SLC29A2: variants seen among roughly 807,000 people sequenced by gnomAD.
SLC29A2 encodes the protein solute carrier family 29 member 2.
A neutral mutation model predicts 48.8 loss-of-function variants in SLC29A2; 37 were observed. That is an observed-to-expected ratio of 0.76 (90% CI 0.58 to 1.00). The LOEUF is 1.00. Ranked by LOEUF, SLC29A2 falls within the 50% of genes least tolerant of loss-of-function variation. SLC29A2 has a pLI of 0.00. For synonymous variants in SLC29A2, 233 were observed against 261.7 expected (o/e 0.89, Z 1.06); for missense variants, 533 against 578.6 (o/e 0.92, Z 0.81).
rs1855669120 is a variant in SLC29A2, at chr11:66,366,037, C to T, written c.974-16G>A. 3.7e-6 allele frequency: 6 copies of T among 1,613,404 alleles called. No individual in the cohort carries two copies. Among genetic ancestry groups the T allele is most frequent in the Non-Finnish European group, 5.1e-6 (6 of 1,179,446 alleles). ...AAGAACTGACCTGGGAGGGAAACGGCTGCAGCTCATACTGGTCTCCAACTC... is the reference window on the plus strand; with the variant it reads ...AAGAACTGACCTGGGAGGGAAACGGTTGCAGCTCATACTGGTCTCCAACTC... On this transcript the variant is annotated splice_polypyrimidine_tract_variant and intron_variant, in intron 9 of 11. Coordinates refer to ENST00000357440, the MANE Select transcript of SLC29A2 (RefSeq NM_001532.3).
At chr11:66,363,720 G>A in intron 11 of SLC29A2, 173 bp from the exon 12 acceptor site, 1 of 653,160 alleles carries the variant, frequency 1.5e-6, no homozygotes, top group Non-Finnish European at 2.8e-6. Context: ...TGCTGGATAA[G>A]GATGTCTCTC....
chr11:66,367,685 C>T (rs1441435720), intron 6 of SLC29A2, 87 bp downstream of exon 6: 282 of 1,483,722 alleles, frequency 1.9e-4, no homozygotes, highest in Non-Finnish European at 2.5e-4. Flanking sequence ...GTCTCCTCCA[C>T]CTCCCCTGGC....
intron 4 of SLC29A2, 144 bp from the exon 5 acceptor site, chr11:66,368,815 C>T: frequency 8.4e-7 from 1 of 1,189,492 alleles, no homozygotes; most frequent in South Asian, 1.3e-5. Context: ...CACTCGGGGG[C>T]AACACCCGCT....
chr11:66,367,293 A>G (rs936888436), intron 7 of SLC29A2, among the ~76,000 whole-genome samples, 171 bp downstream of exon 7: 1 of 152,198 alleles, frequency 6.6e-6, no homozygotes, highest in Non-Finnish European at 1.5e-5. Flanking sequence ...CTGAGGCCCA[A>G]ACAACAGCAG....
In SLC29A2 at chr11:66,363,233, G is replaced by A. The variant is rs567515154; in HGVS notation, c.*203C>T. The A allele has an allele frequency of 2.5e-4, 154 of 627,362 alleles. No individual in the cohort carries two copies. The highest frequency in any genetic ancestry group is 4.2e-4 in the Non-Finnish European group (145 of 342,488). The allele number at this position is 627,362 out of a possible 1,614,324, so 38.9% of individuals were successfully genotyped here. On this transcript the variant is annotated 3_prime_UTR_variant, in exon 12 of 12. Transcript: ENST00000357440. Reference sequence around the variant, plus strand: ...GCGAGTCACCCCCATTCCTGGGTGAGGGTTAGAATGACCGGTGGTGATTTC... The same window carrying A: ...GCGAGTCACCCCCATTCCTGGGTGAAGGTTAGAATGACCGGTGGTGATTTC...
rs551508946 is a variant in SLC29A2 at position 66,363,156 on chromosome 11, C to T, written c.*280G>A. On this transcript the variant is annotated 3_prime_UTR_variant, in exon 12 of 12. Transcript: ENST00000357440. ...TGCAGACCTGGTGGTGGGGAGCAGC[C>T]GTGCCCTGCACCCTCTTTTCCCTAG... is the stretch of plus-strand genomic sequence containing the variant. 2.7e-4 allele frequency: 123 copies of T among 447,592 alleles called. No individual in the cohort carries two copies. The highest frequency in any genetic ancestry group is 2.3e-3 in the African/African-American group (115 of 50,160). The allele number at this position is 447,592 out of a possible 1,614,324, so 27.7% of individuals were successfully genotyped here. A position where few individuals can be genotyped will look rare whatever the true frequency, so the allele number is the denominator to read the frequency against.
rs1590659318 is a variant in SLC29A2, at chr11:66,368,673, T to C, written c.416-2A>G. The C allele has an allele frequency of 1.3e-6, 2 of 1,595,284 alleles. No individual in the cohort carries two copies. Among genetic ancestry groups the C allele is most frequent in the Non-Finnish European group, 1.7e-6 (2 of 1,171,086 alleles). On this transcript the variant is annotated splice_acceptor_variant, in intron 4 of 11. Transcript: ENST00000357440. LOFTEE classifies it high-confidence loss of function. ...TGCCCTGTAGGACTGCACTGAAGGC[T>C]GTGGAGGACAGGGATGGGGGCTGCT...
chr11:66,364,154 G>C, intron 11 of SLC29A2, 71 bp downstream of exon 11: 1 of 1,276,682 alleles, frequency 7.8e-7, no homozygotes, highest in Non-Finnish European at 1.1e-6. Context: ...CTCCATTGCA[G>C]GCGGTCCCTT....
At chr11:66,365,903 A>C in intron 10 of SLC29A2, 33 bp downstream of exon 10, 1 of 1,600,244 alleles carries the variant, frequency 6.2e-7, no homozygotes, top group Non-Finnish European at 8.6e-7. Flanking sequence ...CTGCTTCCTA[A>C]AACATCGGAT....
rs764321442 is a variant in SLC29A2 at position 66,366,269 on chromosome 11, G to C, written c.868-38C>G. ...GGCAGGGGTGTGAGCAGGCAGGGCA[G>C]TCCCAGGGCCCCACCCTCTTGCCCA... On this transcript the variant is annotated intron_variant, in intron 8 of 11. Transcript: ENST00000357440. The C allele has an allele frequency of 9.4e-6, 15 of 1,601,296 alleles. No homozygotes were observed. In the African/African-American group the frequency reaches 1.5e-4, roughly 16 times the overall value.
At chr11:66,366,648 A>G (rs1370206000) in intron 7 of SLC29A2, 84 bp from the exon 8 acceptor site, 1 of 1,470,864 alleles carries the variant, frequency 6.8e-7, no homozygotes, top group Non-Finnish European at 9.4e-7. Flanking sequence ...GATTCCCAGC[A>G]GTTAAAACAA....
Position 66,369,608 on chromosome 11 carries a change from C to T in SLC29A2, c.112-76G>A. The T allele has an allele frequency of 2.0e-6, 3 of 1,534,658 alleles. No homozygotes were observed. The South Asian group carries it at 3.4e-5, about 17-fold the overall frequency. ...CTGCCTTCCCCCTCACTTGTGATTG[C>T]TTTCTAATGTCTGTGGGGACTTGTC... On this transcript the variant is annotated intron_variant, in intron 2 of 11. Transcript: ENST00000357440.
In SLC29A2 at chr11:66,363,100, G is replaced by C; in HGVS notation, c.*336C>G. On this transcript the variant is annotated 3_prime_UTR_variant, in exon 12 of 12. Coordinates refer to ENST00000357440, the MANE Select transcript of SLC29A2 (RefSeq NM_001532.3). ...CCCGCCTCCCACTCTGAACCCTCTG[G>C]TCACCTCTGCTCCTGATGATGATGA... is the stretch of plus-strand genomic sequence containing the variant. The C allele has an allele frequency of 2.8e-6, 1 of 357,168 alleles. No homozygotes were observed. The highest frequency in any genetic ancestry group is 9.7e-4 in the Middle Eastern group (1 of 1,026). 22.1% of individuals were successfully genotyped at this position (357,168 alleles called of 1,614,324 possible). A position where few individuals can be genotyped will look rare whatever the true frequency, so the allele number is the denominator to read the frequency against.
Position 66,363,443 on chromosome 11 carries a change from A to G in SLC29A2, c.1364T>C (p.Leu455Pro), listed in dbSNP as rs746690434. Residue 455 changes from leucine to proline, a missense_variant, in exon 12 of 12, where the codon CTG becomes CCG. Coordinates refer to ENST00000357440, the MANE Select transcript of SLC29A2 (RefSeq NM_001532.3). ...GASLSFLFKA[L>P]L The stretch of plus-strand genomic sequence containing the variant: ...GAGCCTGGAGGGGCCACTTCAGAGC[A>G]GCGCCTTGAAGAGGAAGGAGAGGGA... 2 of 1,611,080 alleles carry G rather than the reference A, an allele frequency of 1.2e-6. No homozygotes were observed. Among genetic ancestry groups the G allele is most frequent in the African/African-American group, 2.7e-5 (2 of 74,994 alleles).
intron 6 of SLC29A2, 78 bp from the exon 7 acceptor site, chr11:66,367,626 G>C: frequency 6.4e-7 from 1 of 1,555,860 alleles, no homozygotes; most frequent in South Asian, 1.1e-5. Context: ...CATTGGCCTG[G>C]AGGCTGGGGC....
rs919380021 is a variant in SLC29A2, at chr11:66,364,156, C to A, written c.1259+69G>T. 7.8e-6 allele frequency: 10 copies of A among 1,277,854 alleles called. No individual in the cohort carries two copies. In the Admixed American group the frequency reaches 1.0e-4, roughly 13 times the overall value. 79.2% of individuals were successfully genotyped at this position (1,277,854 alleles called of 1,614,324 possible). A position where few individuals can be genotyped will look rare whatever the true frequency, so the allele number is the denominator to read the frequency against. ...GGATGGGCCGTCCCTCCATTGCAGG[C>A]GGTCCCTTCCCAAAGACTGAACCCA... On this transcript the variant is annotated intron_variant, in intron 11 of 11. Coordinates refer to ENST00000357440, the MANE Select transcript of SLC29A2 (RefSeq NM_001532.3).
chr11:66,365,411 T>G (rs535125510), intron 10 of SLC29A2, among the ~76,000 whole-genome samples: 1 of 152,256 alleles, frequency 6.6e-6, no homozygotes, highest in East Asian at 1.9e-4. Flanking sequence ...CAGCTTGTGC[T>G]CTCCACCGCA....
At chr11:66,363,903 A>G (rs890731421) in intron 11 of SLC29A2, 5 of 509,070 alleles carry the variant, frequency 9.8e-6, no homozygotes, top group East Asian at 7.1e-5. Flanking sequence ...CTCTCCTTCA[A>G]CTGAGAATTT....
rs1233150134 is a variant in SLC29A2 at position 66,364,349 on chromosome 11, G to A, written c.1135C>T (p.His379Tyr). ...FLFVPLFMLCHVPQRSRLPIL... is the reference protein window; with the variant it reads ...FLFVPLFMLCYVPQRSRLPIL... ...GGCAGCCGGGACCTCTGGGGCACGT[G>A]GCACAGCATGAAGAGGGGCACGAAC... The change falls in exon 11 of 12, where the codon CAC becomes TAC. Residue 379 changes from histidine (H) to tyrosine (Y), a missense_variant. Transcript: ENST00000357440. 1 of 1,614,042 alleles carries A rather than the reference G, an allele frequency of 6.2e-7. No individual in the cohort carries two copies. The highest frequency in any genetic ancestry group is 1.1e-5 in the South Asian group (1 of 91,062).
Sources: allele counts gnomAD v4.1 joint callset (sites outside exome capture counted in the v4.1 genomes callset), GRCh38; gene constraint gnomAD v4.1.1; transcripts MANE v1.5; gene names NCBI Gene and HGNC (gene_info 2026-07-23, HGNC 2026-07-21).